The following TAF4 variants were observed in gnomAD, a reference collection of about 807,000 sequenced individuals.
TAF4 encodes the protein TATA-box binding protein associated factor 4, also known as transcription initiation factor TFIID subunit 4.
A neutral mutation model predicts 90.3 loss-of-function variants in TAF4; 9 were observed. The observed-to-expected ratio is 0.10, with a 90% CI of 0.06 to 0.17. TAF4 has a LOEUF of 0.17. Ranked by LOEUF, TAF4 falls within the 10% of genes least tolerant of loss-of-function variation. TAF4 has a pLI of 1.00. For synonymous variants in TAF4, 818 were observed against 638.9 expected, an observed-to-expected ratio of 1.28 and a Z score of -4.23; for missense variants, 1,351 against 1,370.7, an observed-to-expected ratio of 0.99 and a Z score of 0.23.
chr20:62,002,425 C>T lies in TAF4; in HGVS notation c.2486+735G>A, dbSNP rs548878423. Among the ~76,000 whole-genome samples, 3 of 152,348 alleles carry T rather than the reference C, an allele frequency of 2.0e-5. No homozygotes were observed. In the East Asian group the frequency reaches 5.8e-4, roughly 29 times the overall value. On this transcript the variant is annotated intron_variant, in intron 9 of 14. Transcript: ENST00000252996. ...CCAAGACTCTCCCACTGCTCAGGTC[C>T]CATAAGCACCTCCCTGACTGAGGTG...
At chr20:61,982,172 C>T (rs201986325) in intron 14 of TAF4, among the ~76,000 whole-genome samples, 17 of 4,206 alleles carry the variant, frequency 4.0e-3, no homozygotes, top group Admixed American at 8.3e-3. Flanking sequence ...ACACCCCACC[C>T]GAGAGGAGAC....
chr20:61,979,937 C>T (rs901401032), intron 14 of TAF4, among the ~76,000 whole-genome samples: 2 of 152,266 alleles, frequency 1.3e-5, no homozygotes, highest in Non-Finnish European at 2.9e-5. Context: ...CAAAACAGAG[C>T]CTGGGACGAC....
At chr20:62,048,557 G>A (rs2056007069) in intron 1 of TAF4, among the ~76,000 whole-genome samples, 1 of 152,064 alleles carries the variant, frequency 6.6e-6, no homozygotes, top group Non-Finnish European at 1.5e-5. Flanking sequence ...GTCCTCGTGT[G>A]GGGCCACACC....
intron 1 of TAF4, among the ~76,000 whole-genome samples, chr20:62,034,870 G>C (rs182858916): frequency 2.7e-5 from 4 of 147,222 alleles, no homozygotes; most frequent in African/African-American, 1.0e-4. Context: ...ACCCAGGCTG[G>C]AGTACAGTGG....
chr20:62,065,145 G>C lies in TAF4; in HGVS notation c.666C>G (p.Pro222=). The C allele has an allele frequency of 8.4e-7, 1 of 1,194,054 alleles. No individual in the cohort carries two copies. The highest frequency in any genetic ancestry group is 1.1e-6 in the Non-Finnish European group (1 of 939,542). 74.0% of individuals were successfully genotyped at this position (1,194,054 alleles called of 1,614,324 possible). A position where few individuals can be genotyped will look rare whatever the true frequency, so the allele number is the denominator to read the frequency against. The change falls in exon 1 of 15, where the codon CCC becomes CCG. Residue 222 remains proline (P), a synonymous_variant. Transcript: ENST00000252996. ...GCTTGGGCAGCGGCAGCAGCGCGGC[G>C]GGCCCGTTGTTGACCAGGCTGACAG... is the stretch of plus-strand genomic sequence containing the variant. ...APAVSLVNNG[P]AALLPLPKPA... is the part of the protein sequence containing the mutation.
At chr20:62,038,243 G>A (rs1206218365) in intron 1 of TAF4, among the ~76,000 whole-genome samples, 21 of 151,924 alleles carry the variant, frequency 1.4e-4, no homozygotes, top group Admixed American at 1.3e-3. Context: ...TAGCCAGGAT[G>A]GTGTCGATCT....
In TAF4 at chr20:62,065,499, G is replaced by A. The variant is rs1407635298; in HGVS notation, c.312C>T (p.Arg104=). 2 of 971,426 alleles carry A rather than the reference G, an allele frequency of 2.1e-6. No homozygotes were observed. The highest frequency in any genetic ancestry group is 1.8e-5 in the African/African-American group (1 of 56,112). The allele number at this position is 971,426 out of a possible 1,614,324, so 60.2% of individuals were successfully genotyped here. ...RARPGGGGPQ[R]PGPPSPRRPL... is the part of the protein sequence containing the mutation. ...GGCGGCGCGGTGAGGGGGGGCCCGG[G>A]CGCTGCGGCCCCCCGCCCCCCGGCC... The change falls in exon 1 of 15, where the codon CGC becomes CGT. Residue 104 remains arginine, a synonymous_variant. Coordinates refer to ENST00000252996, the MANE Select transcript of TAF4 (RefSeq NM_003185.4).
intron 1 of TAF4, among the ~76,000 whole-genome samples, chr20:62,042,774 T>C (rs1042483965): frequency 6.6e-6 from 1 of 152,230 alleles, no homozygotes; most frequent in Admixed American, 6.5e-5. Flanking sequence ...ATATACTGCA[T>C]CTACTTATTA....
At chr20:62,007,776 T>C (rs1271360042) in intron 5 of TAF4, 140 bp from the exon 6 acceptor site, 4 of 750,788 alleles carry the variant, frequency 5.3e-6, no homozygotes. Context: ...AAAGTCTGCG[T>C]GCTACACCTT....
Position 61,976,303 on chromosome 20 carries a change from G to A in TAF4, c.3123C>T (p.Ser1041=). The A allele has an allele frequency of 1.2e-6, 2 of 1,613,806 alleles. No individual in the cohort carries two copies. ...GSGPGSVVPG[S]SGVGTPRQFT... is the part of the protein sequence containing the mutation. ...ACTGTCTGGGGGTTCCGACACCCGA[G>A]CTGCCTGGGACCACTGAGCCGGGGC... Residue 1041 remains serine (S), a synonymous_variant, in exon 15 of 15, where the codon AGC becomes AGT. Coordinates refer to ENST00000252996, the MANE Select transcript of TAF4 (RefSeq NM_003185.4).
chr20:62,036,994 C>T (rs1458270816), intron 1 of TAF4, among the ~76,000 whole-genome samples: 1 of 152,212 alleles, frequency 6.6e-6, no homozygotes, highest in African/African-American at 2.4e-5. Context: ...AGGCCCTCAC[C>T]AGCATGGCAA....
chr20:62,014,182 T>C (rs532666437), intron 2 of TAF4, among the ~76,000 whole-genome samples: 1 of 152,176 alleles, frequency 6.6e-6, no homozygotes, highest in Admixed American at 6.5e-5. Context: ...AGTGGAGTCC[T>C]AGCACCATCT....
chr20:62,032,263 C>A (rs971982403), intron 1 of TAF4, among the ~76,000 whole-genome samples: 1 of 152,238 alleles, frequency 6.6e-6, no homozygotes. Flanking sequence ...CCCTCCACCC[C>A]CGAACTCCTG....
intron 14 of TAF4, among the ~76,000 whole-genome samples, chr20:61,984,937 AGGGCAGGGGTGGCGGGGGTGGGAGGG>A (rs1295546680): frequency 1.1e-3 from 1 of 910 alleles, no homozygotes; most frequent in African/African-American, 6.1e-3. Context: ...AGGTGGGAGG[AGGGCAGGGGTGGCGGGGGTGGGAGGG>A]GGCGGAAGGG....
chr20:62,021,656 C>A (rs1466262872), intron 1 of TAF4, among the ~76,000 whole-genome samples: 1 of 152,204 alleles, frequency 6.6e-6, no homozygotes, highest in African/African-American at 2.4e-5. Context: ...GCTGTACAGG[C>A]AGGGCCATGT....
chr20:62,013,074 A>C lies in TAF4; in HGVS notation c.1522-140T>G, dbSNP rs1481913790. ...CTTATCCGTGATCTGCAATGAAGCCACTGTAATTCTAAAGTTTTCTTACCA... is the reference window on the plus strand; with the variant it reads ...CTTATCCGTGATCTGCAATGAAGCCCCTGTAATTCTAAAGTTTTCTTACCA... On this transcript the variant is annotated intron_variant, in intron 2 of 14. Coordinates refer to ENST00000252996, the MANE Select transcript of TAF4 (RefSeq NM_003185.4). The C allele has an allele frequency of 1.1e-5, 14 of 1,251,040 alleles. No individual in the cohort carries two copies. In the Admixed American group the frequency reaches 1.5e-4, roughly 14 times the overall value. The allele number at this position is 1,251,040 out of a possible 1,614,324, so 77.5% of individuals were successfully genotyped here.
At chr20:61,994,756 C>T (rs565454436) in intron 14 of TAF4, among the ~76,000 whole-genome samples, 146 of 152,324 alleles carry the variant, frequency 9.6e-4, no homozygotes, top group Non-Finnish European at 1.8e-3. Context: ...CACCTGCATA[C>T]CAAGAAGCGG....
chr20:61,992,314 G>T (rs1244484476), intron 14 of TAF4, among the ~76,000 whole-genome samples: 1 of 152,170 alleles, frequency 6.6e-6, no homozygotes, highest in Non-Finnish European at 1.5e-5. Context: ...ACAACTTTCG[G>T]CTGTTTTCAC....
intron 14 of TAF4, among the ~76,000 whole-genome samples, chr20:61,988,107 G>A (rs1046219581): frequency 1.1e-4 from 16 of 152,182 alleles, no homozygotes; most frequent in African/African-American, 3.6e-4. Context: ...GCTGTGGAAC[G>A]ACTCCACATG....
Sources: allele counts gnomAD v4.1 joint callset (sites outside exome capture counted in the v4.1 genomes callset), GRCh38; gene constraint gnomAD v4.1.1; transcripts MANE v1.5; gene names NCBI Gene and HGNC (gene_info 2026-07-23, HGNC 2026-07-21).